Variants in PTK2B observed in about 807,000 individuals in gnomAD.
PTK2B encodes the protein protein-tyrosine kinase 2-beta.
In PTK2B, 71 loss-of-function variants were observed where a neutral mutation model predicts 142.9. That is an observed-to-expected ratio of 0.50 (90% CI 0.41 to 0.61). The LOEUF is 0.61. PTK2B is among the 20% of genes least tolerant of loss of function. PTK2B has a pLI of 0.00. For missense variants in PTK2B, 1,105 were observed against 1,320.4 expected (o/e 0.84, Z 2.53); for synonymous variants, 519 against 503.4 (o/e 1.03, Z -0.42).
At chr8:27,311,182 C>G, upstream of PTK2B, 1 of 1,605,344 alleles carries the variant, frequency 6.2e-7, no homozygotes, top group Non-Finnish European at 8.5e-7. Context: ...CGCAGAGCAA[C>G]TCCTCCTTGA....
At chr8:27,390,677 T>A (rs1807661576) in intron 1 of PTK2B, among the ~76,000 whole-genome samples, 1 of 152,120 alleles carries the variant, frequency 6.6e-6, no homozygotes, top group East Asian at 1.9e-4. Flanking sequence ...ATTTCAGAAT[T>A]AAAAAGTGGG....
chr8:27,426,730 G>C (rs906361044), intron 5 of PTK2B, among the ~76,000 whole-genome samples: 1 of 152,188 alleles, frequency 6.6e-6, no homozygotes, highest in African/African-American at 2.4e-5. Context: ...GACACAGGGA[G>C]TGGCCTAAGC....
At chr8:27,419,636 A>G (rs1809620510) in intron 2 of PTK2B, among the ~76,000 whole-genome samples, 2 of 152,184 alleles carry the variant, frequency 1.3e-5, no homozygotes, top group South Asian at 4.1e-4. Context: ...AATTTTTGTT[A>G]TTCTCTGCCT....
intron 1 of PTK2B, among the ~76,000 whole-genome samples, chr8:27,343,817 C>T (rs964005471): frequency 1.3e-5 from 2 of 152,040 alleles, no homozygotes; most frequent in Non-Finnish European, 2.9e-5. Flanking sequence ...TCCTGGTTAA[C>T]GTGGTGAAAC....
intron 3 of PTK2B, among the ~76,000 whole-genome samples, chr8:27,317,704 G>A (rs1304404781): frequency 1.3e-5 from 2 of 152,134 alleles, no homozygotes; most frequent in Non-Finnish European, 2.9e-5. Context: ...CCTGTAGGAG[G>A]GACATTTGTT....
Position 27,439,341 on chromosome 8 carries a change from TC to T in PTK2B, c.1781del (p.Pro594GlnfsTer26). ...GACTCGTCTCCCCATCAAATGGATG[TC>T]CCCAGAGTCCATTAACTTCCGACGC... is the stretch of plus-strand genomic sequence containing the variant. Reference protein sequence around the residue: ...SVTRLPIKWMSPESINFRRFT... With the variant: ...SVTRLPIKWMXPESINFRRFT... On this transcript the variant is annotated frameshift_variant, in exon 20 of 31. Coordinates refer to ENST00000346049, the MANE Select transcript of PTK2B (RefSeq NM_173176.3). LOFTEE classifies it high-confidence loss of function. The T allele has an allele frequency of 6.2e-7, 1 of 1,614,112 alleles. No individual in the cohort carries two copies. The highest frequency in any genetic ancestry group is 8.5e-7 in the Non-Finnish European group (1 of 1,179,956).
intron 2 of PTK2B, among the ~76,000 whole-genome samples, chr8:27,417,977 G>A (rs1809505867): frequency 6.6e-6 from 1 of 152,134 alleles, no homozygotes; most frequent in African/African-American, 2.4e-5. Context: ...GGGTAGAGAG[G>A]ATGACAAAAT....
intron 7 of PTK2B, 43 bp from the exon 8 acceptor site, chr8:27,430,833 G>T: frequency 6.2e-7 from 1 of 1,601,704 alleles, no homozygotes; most frequent in East Asian, 2.2e-5. Context: ...AGTGAGACCT[G>T]GGAGGAGCAG....
chr8:27,417,781 C>T (rs1809492998), intron 2 of PTK2B, among the ~76,000 whole-genome samples: 1 of 152,068 alleles, frequency 6.6e-6, no homozygotes. Context: ...CACAGGAGTT[C>T]TAGCCCTGAG....
intron 1 of PTK2B, among the ~76,000 whole-genome samples, chr8:27,373,878 C>G (rs985182326): frequency 1.3e-5 from 2 of 151,836 alleles, no homozygotes; most frequent in South Asian, 4.2e-4. Flanking sequence ...AAATACGCCT[C>G]TTGAACAGGA....
intron 21 of PTK2B, among the ~76,000 whole-genome samples, chr8:27,442,523 C>G (rs772163368): frequency 2.0e-5 from 3 of 152,204 alleles, no homozygotes; most frequent in Admixed American, 6.5e-5. Flanking sequence ...CTTTGGAAAT[C>G]TACATAGGGG....
intron 20 of PTK2B, 73 bp from the exon 21 acceptor site, chr8:27,440,164 A>G: frequency 1.4e-6 from 2 of 1,468,426 alleles, no homozygotes; most frequent in African/African-American, 2.8e-5. Context: ...ACTGAGTGCT[A>G]ATGGCGATGG....
Position 27,319,445 on chromosome 8 carries a change from G to C in PTK2B, c.-413-2957G>C, listed in dbSNP as rs192190644. Among the ~76,000 whole-genome samples the C allele has an allele frequency of 1.1e-3, 166 of 150,494 alleles. 1 individual carries two copies. In the East Asian group the frequency reaches 0.027, roughly 24 times the overall value. ...ATCACGAGGTCAGGAGATCGAGACT[G>C]TCCGGGCTAACATGGTGAAACCCCG... On this transcript the variant is annotated intron_variant, in intron 3 of 35. Transcript: ENST00000397501.
In PTK2B at chr8:27,442,909, G is replaced by T. The variant is rs1811242512; in HGVS notation, c.2074G>T (p.Glu692Ter). ...VYQMEKDIAM[E>*]QERNARYRTP... is the part of the protein sequence containing the mutation. ...TCAGATGGAGAAGGACATTGCCATG[G>T]AGCAAGAGAGGAATGCTCGCTACCG... Residue 692 changes from glutamate (E) to a stop codon, truncating the protein, a stop_gained, in exon 22 of 31, where the codon GAG (glutamate) becomes TAG (stop). Coordinates refer to ENST00000346049, the MANE Select transcript of PTK2B (RefSeq NM_173176.3). LOFTEE classifies it high-confidence loss of function. 6.2e-7 allele frequency: 1 copy of T among 1,614,178 alleles called. No homozygotes were observed. The highest frequency in any genetic ancestry group is 1.3e-5 in the African/African-American group (1 of 75,042).
intron 3 of PTK2B, among the ~76,000 whole-genome samples, chr8:27,317,596 C>G (rs1354244457): frequency 6.6e-6 from 1 of 152,148 alleles, no homozygotes; most frequent in Admixed American, 6.5e-5. Flanking sequence ...GCAGATAGTT[C>G]ACTGTCTGCC....
chr8:27,349,960 C>T (rs1804946709), intron 1 of PTK2B, among the ~76,000 whole-genome samples: 1 of 152,230 alleles, frequency 6.6e-6, no homozygotes, highest in South Asian at 2.1e-4. Context: ...CACAGGGTCC[C>T]CTTGACCAAG....
chr8:27,440,185 T>G, intron 20 of PTK2B, 52 bp from the exon 21 acceptor site: 1 of 1,562,466 alleles, frequency 6.4e-7, no homozygotes. Context: ...TGCTTCTGGG[T>G]GGGAGGGACT....
intron 1 of PTK2B, among the ~76,000 whole-genome samples, chr8:27,366,989 G>A (rs954675965): frequency 6.6e-6 from 1 of 152,194 alleles, no homozygotes; most frequent in South Asian, 2.1e-4. Context: ...TGAGGAGGTA[G>A]AAGGTGCCTG....
At chr8:27,397,842 G>A (rs1249611364) in intron 2 of PTK2B, 54 bp downstream of exon 2, 1 of 1,594,160 alleles carries the variant, frequency 6.3e-7, no homozygotes, top group Non-Finnish European at 8.6e-7. Context: ...TCTTCTTCCT[G>A]GGCAGCTGAG....
Sources: gnomAD v4.1 joint callset for allele counts (sites outside exome capture counted in the v4.1 genomes callset) on GRCh38, gnomAD v4.1.1 for gene constraint, MANE v1.5 for transcripts, NCBI Gene and HGNC (gene_info 2026-07-23, HGNC 2026-07-21) for gene names.